SHANK2: variants seen among roughly 807,000 people sequenced by gnomAD.
SHANK2 encodes the protein SH3 and multiple ankyrin repeat domains protein 2.
A neutral mutation model predicts 133.7 loss-of-function variants in SHANK2; 43 were observed. The ratio of observed to expected loss-of-function variants is 0.32; its 90% CI spans 0.25 to 0.41. The LOEUF (loss-of-function observed/expected upper bound fraction) is 0.41, where lower values mean the gene tolerates loss of function less well. Among genes scored for constraint, SHANK2 ranks in the 10% least tolerant of loss-of-function variants. SHANK2 has a pLI of 1.00. For synonymous variants in SHANK2, 1,017 were observed against 952.8 expected (o/e 1.07, Z -1.24); for missense variants, 1,994 against 2,235.8 (o/e 0.89, Z 2.18).
chr11:70,543,319 C>T lies in SHANK2; in HGVS notation c.2062-40388G>A, dbSNP rs139224619. Reference sequence around the variant, plus strand: ...AGTGAGATGACTGGTGGCTGGGGGTCCCTAGATAGCTTCAGAATGGGGGCT... The same window carrying T: ...AGTGAGATGACTGGTGGCTGGGGGTTCCTAGATAGCTTCAGAATGGGGGCT... On this transcript the variant is annotated intron_variant, in intron 17 of 25. Transcript: ENST00000601538. 2.4e-3 allele frequency among the ~76,000 whole-genome samples: 366 copies of T among 152,166 alleles called. 4 individuals are homozygous for T. Among genetic ancestry groups the T allele is most frequent in the Admixed American group, 4.3e-3 (66 of 15,286 alleles).
At chr11:70,592,697 C>T (rs1485897418) in intron 17 of SHANK2, among the ~76,000 whole-genome samples, 1 of 152,148 alleles carries the variant, frequency 6.6e-6, no homozygotes, top group Non-Finnish European at 1.5e-5. Context: ...CTCCCTCCTC[C>T]AGCCCCCTCC....
chr11:70,705,840 T>G (rs1555024780), intron 14 of SHANK2: 2 of 152,490 alleles, frequency 1.3e-5, no homozygotes, highest in African/African-American at 4.8e-5. Context: ...GCACCTGGAC[T>G]GTTGCAGCAG....
intron 17 of SHANK2, among the ~76,000 whole-genome samples, chr11:70,550,244 T>A (rs1554977571): frequency 6.6e-6 from 1 of 152,018 alleles, no homozygotes; most frequent in Non-Finnish European, 1.5e-5. Flanking sequence ...AGGGGACACA[T>A]CCCTGCCATG....
At chr11:70,934,274 C>G (rs1555083091) in intron 10 of SHANK2, among the ~76,000 whole-genome samples, 1 of 147,448 alleles carries the variant, frequency 6.8e-6, no homozygotes, top group Non-Finnish European at 1.5e-5. Context: ...ACAGCAGCAA[C>G]AACAGTGCCC....
intron 10 of SHANK2, among the ~76,000 whole-genome samples, chr11:70,931,377 A>G (rs1950502166): frequency 6.6e-6 from 1 of 152,214 alleles, no homozygotes; most frequent in African/African-American, 2.4e-5. Flanking sequence ...ACATCTCAAT[A>G]AAGCAGTCTT....
intron 11 of SHANK2, among the ~76,000 whole-genome samples, chr11:70,891,179 G>A (rs773147892): frequency 1.3e-5 from 2 of 152,128 alleles, no homozygotes; most frequent in Non-Finnish European, 2.9e-5. Flanking sequence ...GGGCCATATC[G>A]TCCTGCTCAG....
At chr11:71,189,646 C>T (rs1440084879) in intron 2 of SHANK2, among the ~76,000 whole-genome samples, 3 of 152,342 alleles carry the variant, frequency 2.0e-5, no homozygotes, top group Middle Eastern at 3.4e-3. Context: ...GCAATTCGCC[C>T]GCGTTGGCCT....
chr11:71,151,672 A>G (rs1952799309), intron 2 of SHANK2, among the ~76,000 whole-genome samples: 1 of 152,218 alleles, frequency 6.6e-6, no homozygotes, highest in Non-Finnish European at 1.5e-5. Context: ...CAGCGTCAAC[A>G]TCTGAAAAAC....
chr11:70,554,681 A>G (rs1406328222), intron 17 of SHANK2, among the ~76,000 whole-genome samples: 1 of 152,000 alleles, frequency 6.6e-6, no homozygotes, highest in South Asian at 2.1e-4. Flanking sequence ...CCTTCTGGGC[A>G]TTGTATATTC....
chr11:71,095,954 A>G (rs1555095306), intron 6 of SHANK2, among the ~76,000 whole-genome samples: 3 of 136,734 alleles, frequency 2.2e-5, no homozygotes. Context: ...ATCTTCATTC[A>G]TCCTGTCTCC....
At chr11:70,700,476 CGATTACCA>C (rs2134499865) in intron 14 of SHANK2, among the ~76,000 whole-genome samples, 1 of 152,288 alleles carries the variant, frequency 6.6e-6, no homozygotes, top group Non-Finnish European at 1.5e-5. Flanking sequence ...ACGCATTGCA[CGATTACCA>C]GATAAAAACA....
chr11:70,563,679 C>T (rs1282619513), intron 17 of SHANK2, among the ~76,000 whole-genome samples: 2 of 151,884 alleles, frequency 1.3e-5, no homozygotes, highest in Non-Finnish European at 2.9e-5. Flanking sequence ...GTTGGCATTA[C>T]AGGTGCATGC....
In SHANK2 at chr11:70,472,084, G is replaced by A. The variant is rs1206124018; in HGVS notation, c.*785C>T. ...CCCTTGGCCAGGTCTCCCCTCCATT[G>A]TGGAATCGTGACTTTGTGCTTTGAC... On this transcript the variant is annotated 3_prime_UTR_variant, in exon 26 of 26. Coordinates refer to ENST00000601538, the MANE Select transcript of SHANK2 (RefSeq NM_012309.5). The surrounding 1 kb of genome is among the most constrained non-coding windows in gnomAD (Gnocchi z 4.4). 6.6e-6 allele frequency: 1 copy of A among 152,658 alleles called. No homozygotes were observed. The highest frequency in any genetic ancestry group is 1.5e-5 in the Non-Finnish European group (1 of 68,064). The allele number at this position is 152,658 out of a possible 1,614,324, so 9.5% of individuals were successfully genotyped here. A position where few individuals can be genotyped will look rare whatever the true frequency, so the allele number is the denominator to read the frequency against.
chr11:70,699,721 G>T (rs1391532469), intron 14 of SHANK2, among the ~76,000 whole-genome samples: 6 of 152,222 alleles, frequency 3.9e-5, no homozygotes, highest in Admixed American at 1.3e-4. Flanking sequence ...CATGTGCCCA[G>T]AGGCAGCCAG....
At chr11:70,515,612 G>T (rs2059253687) in intron 17 of SHANK2, among the ~76,000 whole-genome samples, 1 of 134,140 alleles carries the variant, frequency 7.5e-6, no homozygotes, top group Admixed American at 8.2e-5. Context: ...GACCTGCTGG[G>T]CAGCATAGTG....
At chr11:70,856,918 G>A (rs573513266) in intron 11 of SHANK2, among the ~76,000 whole-genome samples, 1 of 152,270 alleles carries the variant, frequency 6.6e-6, no homozygotes. Context: ...ACACCAGATG[G>A]ACACCCCTGG....
chr11:70,519,446 G>C (rs185729827), intron 17 of SHANK2, among the ~76,000 whole-genome samples: 6 of 152,060 alleles, frequency 3.9e-5, no homozygotes, highest in Admixed American at 3.9e-4. Flanking sequence ...TCAGGAGTTC[G>C]AGACCAGCCT....
rs565908542 is a variant in SHANK2 at position 71,229,777 on chromosome 11, A to G, written c.-112-4981T>C. 2.0e-3 allele frequency among the ~76,000 whole-genome samples: 310 copies of G among 151,830 alleles called. 2 individuals are homozygous for G. The highest frequency in any genetic ancestry group is 0.013 in the East Asian group (65 of 5,162). ...CCATCTCAAAAAAGAAAAAAAAAAA[A>G]AAAAAGAAAAAGAAAAGAAAAGAAA... On this transcript the variant is annotated intron_variant, in intron 1 of 25. Coordinates refer to ENST00000601538, the MANE Select transcript of SHANK2 (RefSeq NM_012309.5).
At chr11:70,649,217 C>T (rs1428427720) in intron 17 of SHANK2, among the ~76,000 whole-genome samples, 1 of 152,198 alleles carries the variant, frequency 6.6e-6, no homozygotes, top group East Asian at 1.9e-4. Context: ...TGTCTATCTC[C>T]ATGACCCCCT....
Sources: gnomAD v4.1 joint callset for allele counts (sites outside exome capture counted in the v4.1 genomes callset) on GRCh38, gnomAD v4.1.1 for gene constraint, Gnocchi (gnomAD v3.1) non-coding constraint, MANE v1.5 for transcripts, NCBI Gene and HGNC (gene_info 2026-07-23, HGNC 2026-07-21) for gene names.